Variants in DCC observed in about 807,000 individuals in gnomAD.
The protein encoded by DCC is DCC netrin 1 receptor, also known as netrin receptor DCC.
In DCC, 58 loss-of-function variants were observed where a neutral mutation model predicts 172.5. The observed-to-expected ratio is 0.34, with a 90% CI of 0.27 to 0.42. The LOEUF (loss-of-function observed/expected upper bound fraction) is 0.42. DCC is among the 10% of genes least tolerant of loss of function. The pLI, the probability that DCC is intolerant of heterozygous loss-of-function variation, is 1.00. For missense variants in DCC, 1,740 were observed against 1,791.0 expected, an observed-to-expected ratio of 0.97 and a Z score of 0.51; for synonymous variants, 709 against 644.5, an observed-to-expected ratio of 1.10 and a Z score of -1.52.
intron 1 of DCC, among the ~76,000 whole-genome samples, chr18:52,751,471 T>C (rs954440802): frequency 6.6e-6 from 1 of 152,196 alleles, no homozygotes; most frequent in Admixed American, 6.5e-5. Flanking sequence ...CCTTCAGGGA[T>C]TTGTGATTTT....
At chr18:52,818,534 A>G (rs767083204) in intron 2 of DCC, among the ~76,000 whole-genome samples, 29 of 152,222 alleles carry the variant, frequency 1.9e-4, no homozygotes, top group Admixed American at 4.6e-4. Flanking sequence ...TCCTATTCAT[A>G]GTTTTATGCT....
intron 7 of DCC, among the ~76,000 whole-genome samples, chr18:53,154,708 G>A (rs938777186): frequency 4.6e-5 from 7 of 152,128 alleles, no homozygotes; most frequent in Non-Finnish European, 8.8e-5. Flanking sequence ...CATGCGGTGA[G>A]TGAAGGAGAG....
At chr18:52,479,049 T>C (rs1390259093) in intron 1 of DCC, among the ~76,000 whole-genome samples, 2 of 152,192 alleles carry the variant, frequency 1.3e-5, no homozygotes, top group Non-Finnish European at 2.9e-5. Flanking sequence ...CTGAGAGGTA[T>C]TATCTTTGGA....
intron 7 of DCC, among the ~76,000 whole-genome samples, chr18:53,075,545 T>G (rs932511411): frequency 1.3e-5 from 1 of 75,530 alleles, no homozygotes; most frequent in Non-Finnish European, 2.5e-5. Context: ...GTTATCCCAT[T>G]TTTTTTTTTT....
chr18:53,529,464 A>T (rs1460280644), intron 28 of DCC, among the ~76,000 whole-genome samples: 1 of 152,200 alleles, frequency 6.6e-6, no homozygotes, highest in Non-Finnish European at 1.5e-5. Context: ...TAAGTAGAAC[A>T]TCTGTATAAG....
chr18:52,652,729 T>TGTGTGTGTGTGTGTGTGTGG (rs1431620079), intron 1 of DCC, among the ~76,000 whole-genome samples: 9 of 151,718 alleles, frequency 5.9e-5, no homozygotes, highest in Non-Finnish European at 2.9e-5. Flanking sequence ...TGTGTGTGTG[T>TGTGTGTGTGTGTGTGTGTGG]GTGTGTGTGT....
At chr18:53,207,927 A>G (rs979033567) in intron 11 of DCC, 110 bp downstream of exon 11, 2 of 970,984 alleles carry the variant, frequency 2.1e-6, no homozygotes, top group Non-Finnish European at 3.3e-6. Flanking sequence ...TCCTGACTAA[A>G]ATTTTATGGA....
At chr18:52,539,664 T>C (rs984293450) in intron 1 of DCC, among the ~76,000 whole-genome samples, 3 of 152,150 alleles carry the variant, frequency 2.0e-5, no homozygotes, top group African/African-American at 7.2e-5. Flanking sequence ...ATGAAGCCAG[T>C]CTCTGGTACC....
chr18:53,090,475 C>G (rs917886415), intron 7 of DCC, among the ~76,000 whole-genome samples: 1 of 151,412 alleles, frequency 6.6e-6, no homozygotes, highest in Non-Finnish European at 1.5e-5. Flanking sequence ...GGGCGGATCA[C>G]GAGGTCAGGA....
chr18:53,055,402 C>A (rs146832122), intron 5 of DCC, among the ~76,000 whole-genome samples: 1 of 152,144 alleles, frequency 6.6e-6, no homozygotes, highest in African/African-American at 2.4e-5. Flanking sequence ...AGCACCCAAG[C>A]ACATTCCCCT....
intron 15 of DCC, among the ~76,000 whole-genome samples, chr18:53,378,592 C>A (rs1907485124): frequency 6.6e-6 from 1 of 152,168 alleles, no homozygotes; most frequent in Non-Finnish European, 1.5e-5. Flanking sequence ...TGCTATTCAA[C>A]CTTCAGTAAA....
At position 52,482,769 on chromosome 18, in the gene DCC, AG is replaced by A. The variant is rs796403821; in HGVS notation, c.91+141892del. Among the ~76,000 whole-genome samples, 8 of 152,262 alleles carry A rather than the reference AG, an allele frequency of 5.3e-5. No individual in the cohort carries two copies. In the South Asian group the frequency reaches 8.3e-4, roughly 16 times the overall value. ...CAGCCTTCTTGAAGATTTATCTTCC[AG>A]AGCCAATTCTTAACTTGCTGCAGTT... On this transcript the variant is annotated intron_variant, in intron 1 of 28. Transcript: ENST00000442544.
chr18:53,425,182 G>A (rs1036658722), intron 21 of DCC, among the ~76,000 whole-genome samples: 3 of 151,254 alleles, frequency 2.0e-5, no homozygotes, highest in Admixed American at 6.6e-5. Flanking sequence ...ACTCTGCATG[G>A]TTACAAGGAA....
At chr18:52,839,028 C>T (rs2038760489) in intron 2 of DCC, among the ~76,000 whole-genome samples, 1 of 152,058 alleles carries the variant, frequency 6.6e-6, no homozygotes, top group South Asian at 2.1e-4. Flanking sequence ...AAGCAGAGGA[C>T]ATGTGGAGCA....
intron 1 of DCC, among the ~76,000 whole-genome samples, chr18:52,349,240 A>G (rs746287023): frequency 6.6e-6 from 1 of 152,146 alleles, no homozygotes; most frequent in Admixed American, 6.6e-5. Flanking sequence ...GGACAGGCTA[A>G]TGAAGACCCC....
intron 5 of DCC, among the ~76,000 whole-genome samples, chr18:53,055,140 T>C (rs1016801554): frequency 6.6e-6 from 1 of 152,142 alleles, no homozygotes; most frequent in Non-Finnish European, 1.5e-5. Flanking sequence ...ACCTATCCCA[T>C]GCTTGGCCTT....
At chr18:52,636,031 C>T (rs1188715089) in intron 1 of DCC, among the ~76,000 whole-genome samples, 2 of 152,172 alleles carry the variant, frequency 1.3e-5, no homozygotes, top group African/African-American at 4.8e-5. Context: ...GCCCCAACTG[C>T]GGAAGCGGGA....
rs1465896740 is a variant in DCC at position 53,535,690 on chromosome 18, T to G, written c.*5037T>G. On this transcript the variant is annotated 3_prime_UTR_variant, in exon 29 of 29. Coordinates refer to ENST00000442544, the MANE Select transcript of DCC (RefSeq NM_005215.4). ...TTGTTAACCAAATTAGACTAGTGAT[T>G]GCAATATTTAAGTGTAAATCTTGTT... The G allele has an allele frequency of 1.3e-5, 2 of 152,228 alleles. No individual in the cohort carries two copies. Among genetic ancestry groups the G allele is most frequent in the Admixed American group, 6.5e-5 (1 of 15,288 alleles). The allele number at this position is 152,228 out of a possible 1,614,324, so 9.4% of individuals were successfully genotyped here.
intron 7 of DCC, among the ~76,000 whole-genome samples, chr18:53,071,750 G>A (rs2144107838): frequency 6.6e-6 from 1 of 152,214 alleles, no homozygotes; most frequent in East Asian, 1.9e-4. Flanking sequence ...GCAGGATGTT[G>A]GCTAAGAAGT....
Sources: allele counts gnomAD v4.1 joint callset (sites outside exome capture counted in the v4.1 genomes callset), GRCh38; gene constraint gnomAD v4.1.1; transcripts MANE v1.5; gene names NCBI Gene and HGNC (gene_info 2026-07-23, HGNC 2026-07-21).